Variants in SATB1 observed in about 807,000 individuals in gnomAD.
SATB1 encodes the protein SATB homeobox 1, also known as DNA-binding protein SATB1.
A neutral mutation model predicts 86.9 loss-of-function variants in SATB1; 11 were observed. The observed-to-expected ratio is 0.13, with a 90% CI of 0.08 to 0.21. The LOEUF is 0.21. Among genes scored for constraint, SATB1 ranks in the 10% least tolerant of loss-of-function variants. SATB1 has a pLI of 1.00. For missense variants in SATB1, 551 were observed against 937.6 expected, an observed-to-expected ratio of 0.59 and a Z score of 5.39; for synonymous variants, 357 against 357.2, an observed-to-expected ratio of 1.00 and a Z score of 0.01.
rs879533601 is a variant in SATB1, at chr3:18,424,121, TAA to T, written c.-521_-520del. On this transcript the variant is annotated 5_prime_UTR_variant, in exon 1 of 11. Transcript: ENST00000338745. ...ACGACGTGGTGACTGAGGATTCTCT[TAA>T]AAAAAAAAAAATCACTGCGGACAAG... 1.4e-5 allele frequency: 2 copies of T among 143,414 alleles called. No individual in the cohort carries two copies. Among genetic ancestry groups the T allele is most frequent in the African/African-American group, 2.6e-5 (1 of 39,032 alleles). 8.9% of individuals were successfully genotyped at this position (143,414 alleles called of 1,614,324 possible).
intron 2 of SATB1, among the ~76,000 whole-genome samples, chr3:18,431,321 TGTTA>T (rs1698884415): frequency 6.6e-6 from 1 of 152,122 alleles, no homozygotes; most frequent in South Asian, 2.1e-4. Context: ...CTTCTCCAGT[TGTTA>T]GTTATTTCCT....
Position 18,349,086 on chromosome 3 carries a change from G to A in SATB1, c.*84C>T, listed in dbSNP as rs567693220. 24 of 1,529,784 alleles carry A rather than the reference G, an allele frequency of 1.6e-5. No individual in the cohort carries two copies. The highest frequency in any genetic ancestry group is 4.1e-4 in the Middle Eastern group (2 of 4,906). The allele number at this position is 1,529,784 out of a possible 1,614,324, so 94.8% of individuals were successfully genotyped here. ...CATTGGCCAAACAATGAACAACAAA[G>A]GTTTTCTGAGAGAAGACAAGGTGGA... On this transcript the variant is annotated 3_prime_UTR_variant, in exon 11 of 11. Transcript: ENST00000338745. This position sits in a 1 kb window ranked among gnomAD's most constrained non-coding sequence, Gnocchi z 5.5.
At chr3:18,423,372 T>C (rs953068189) in intron 1 of SATB1, among the ~76,000 whole-genome samples, 8 of 152,192 alleles carry the variant, frequency 5.3e-5, no homozygotes, top group African/African-American at 1.9e-4. Context: ...CTCGAAATTC[T>C]AGTTTTTTAG....
chr3:18,408,266 G>A (rs941260665), intron 5 of SATB1, among the ~76,000 whole-genome samples: 3 of 151,930 alleles, frequency 2.0e-5, no homozygotes, highest in Non-Finnish European at 2.9e-5. Context: ...TCTGCCATGA[G>A]GAATTCTGCA....
chr3:18,371,143 C>A, intron 9 of SATB1, among the ~76,000 whole-genome samples: 1 of 152,016 alleles, frequency 6.6e-6, no homozygotes, highest in East Asian at 1.9e-4. Context: ...ATTCCTGAAG[C>A]ATCTTGGTTG....
At chr3:18,402,352 C>A (rs1697316850) in intron 5 of SATB1, among the ~76,000 whole-genome samples, 2 of 151,994 alleles carry the variant, frequency 1.3e-5, no homozygotes, top group African/African-American at 4.8e-5. Flanking sequence ...AAAAAAACCA[C>A]CCCAAAACAA....
At chr3:18,395,786 T>A (rs914359030) in intron 6 of SATB1, among the ~76,000 whole-genome samples, 1 of 152,208 alleles carries the variant, frequency 6.6e-6, no homozygotes, top group Admixed American at 6.5e-5. Context: ...TGAATGCTTC[T>A]TCCTTGGCTA....
intron 10 of SATB1, chr3:18,351,672 A>AT: frequency 2.0e-6 from 1 of 500,074 alleles, no homozygotes; most frequent in Non-Finnish European, 3.5e-6. Context: ...TTAAATTGTG[A>AT]TTTTTAAAAA....
chr3:18,381,311 T>C (rs1447210244), intron 8 of SATB1, among the ~76,000 whole-genome samples: 9 of 152,332 alleles, frequency 5.9e-5, no homozygotes, highest in South Asian at 4.1e-4. Context: ...GCATGAAGAA[T>C]TGCCTGCAAG....
At chr3:18,436,162 A>C (rs4973716) in intron 2 of SATB1, among the ~76,000 whole-genome samples, 3 of 152,212 alleles carry the variant, frequency 2.0e-5, no homozygotes, top group African/African-American at 7.2e-5. Flanking sequence ...ATCTTAGAGT[A>C]CTTTTCAAAC....
intron 9 of SATB1, among the ~76,000 whole-genome samples, chr3:18,362,245 T>C (rs1473581680): frequency 6.6e-6 from 1 of 152,048 alleles, no homozygotes; most frequent in Admixed American, 6.6e-5. Flanking sequence ...GCTATTTGAG[T>C]TACATTTATC....
At chr3:18,393,138 T>C (rs1338017298) in intron 7 of SATB1, among the ~76,000 whole-genome samples, 1 of 152,086 alleles carries the variant, frequency 6.6e-6, no homozygotes, top group Non-Finnish European at 1.5e-5. Context: ...AGATTACTTC[T>C]GTACCAGAAT....
intron 1 of SATB1, chr3:18,445,326 G>A (rs1699364253): frequency 1.1e-5 from 11 of 984,996 alleles, no homozygotes; most frequent in Admixed American, 6.2e-5. Flanking sequence ...CACCGCTCCC[G>A]GGCTCCCTCC....
chr3:18,398,880 T>C (rs945593403), intron 5 of SATB1, among the ~76,000 whole-genome samples: 3 of 152,166 alleles, frequency 2.0e-5, no homozygotes, highest in African/African-American at 7.2e-5. Context: ...CTTAGCAAAG[T>C]TGCCAAAACC....
chr3:18,429,030 A>G (rs1237847450), upstream of SATB1, among the ~76,000 whole-genome samples: 1 of 152,192 alleles, frequency 6.6e-6, no homozygotes, highest in Non-Finnish European at 1.5e-5. The surrounding 1 kb of genome is among the most constrained non-coding windows in gnomAD (Gnocchi z 4.1). Flanking sequence ...TTTAAATTCA[A>G]ATACAGTTGG....
chr3:18,373,837 T>C lies in SATB1; in HGVS notation c.1575+4333A>G, dbSNP rs565079867. On this transcript the variant is annotated intron_variant, in intron 9 of 10. Transcript: ENST00000338745. ...TTTGCATAGTCAGAAATGCTCTTTA[T>C]TTATATTTTTTTGTATTAAAAACAT... Among the ~76,000 whole-genome samples, 8 of 152,292 alleles carry C rather than the reference T, an allele frequency of 5.3e-5. No individual in the cohort carries two copies. In the South Asian group the frequency reaches 1.7e-3, roughly 32 times the overall value.
chr3:18,430,912 G>A (rs77133532), intron 2 of SATB1, among the ~76,000 whole-genome samples: 11,629 of 152,198 alleles, frequency 0.076, 635 homozygotes, highest in South Asian at 0.13. Flanking sequence ...TGTTTGTTTT[G>A]GGAGATCTGG....
At chr3:18,443,510 T>C (rs755553669), upstream of SATB1, among the ~76,000 whole-genome samples, 2 of 152,166 alleles carry the variant, frequency 1.3e-5, no homozygotes, top group Non-Finnish European at 2.9e-5. The surrounding 1 kb of genome is among the most constrained non-coding windows in gnomAD (Gnocchi z 4.4). Context: ...TGGTTGACAT[T>C]TGTTAGTGAA....
intron 9 of SATB1, among the ~76,000 whole-genome samples, chr3:18,377,622 A>T (rs1401098935): frequency 1.3e-5 from 2 of 152,140 alleles, no homozygotes; most frequent in Non-Finnish European, 2.9e-5. Flanking sequence ...ACTCTACAGA[A>T]AAATTAAAAT....
Sources: allele counts gnomAD v4.1 joint callset (sites outside exome capture counted in the v4.1 genomes callset), GRCh38; gene constraint gnomAD v4.1.1; non-coding constraint Gnocchi (gnomAD v3.1); transcripts MANE v1.5; gene names NCBI Gene and HGNC (gene_info 2026-07-23, HGNC 2026-07-21).